The following CNIH4 variants were observed in gnomAD, a reference collection of about 807,000 sequenced individuals.
CNIH4 encodes protein cornichon homolog 4.
A neutral mutation model predicts 21.5 loss-of-function variants in CNIH4; 9 were observed. The observed-to-expected ratio is 0.42, with a 90% CI of 0.25 to 0.73. The LOEUF is 0.73. Ranked by LOEUF, CNIH4 falls within the 30% of genes least tolerant of loss-of-function variation. CNIH4 has a pLI of 0.27. For synonymous variants in CNIH4, 67 were observed against 59.1 expected (o/e 1.13, Z -0.61); for missense variants, 159 against 170.0 (o/e 0.94, Z 0.36).
intron 4 of CNIH4, among the ~76,000 whole-genome samples, chr1:224,375,485 TG>T (rs1672754260): frequency 6.6e-6 from 1 of 152,062 alleles, no homozygotes; most frequent in Non-Finnish European, 1.5e-5. Context: ...AGGTGTTTTT[TG>T]TTTTGTTTTG....
intron 2 of CNIH4, chr1:224,364,206 A>G (rs763911850): frequency 4.1e-6 from 4 of 981,402 alleles, no homozygotes; most frequent in East Asian, 1.2e-4. Flanking sequence ...CTGGTAACAT[A>G]GGGAGACTTC....
chr1:224,365,900 G>A lies in CNIH4; in HGVS notation c.160G>A (p.Gly54Ser), dbSNP rs74546314. ...GCAGTGGGTAATTCCAGAATTGATT[G>A]GCCATACCATTGTCACTGTATTACT... ...LNKWVIPELI[G>S]HTIVTVLLLM... Residue 54 changes from glycine (G) to serine (S), a missense_variant, in exon 3 of 5, where the codon GGC becomes AGC. By Grantham distance (56) the Gly-to-Ser change is moderately conservative. Transcript: ENST00000465271. 3.1e-3 allele frequency: 4,965 copies of A among 1,609,246 alleles called. 7 individuals carry two copies. The highest frequency in any genetic ancestry group is 3.6e-3 in the Non-Finnish European group (4,278 of 1,175,694).
At chr1:224,370,139 C>G (rs1403074212) in intron 3 of CNIH4, among the ~76,000 whole-genome samples, 1 of 151,260 alleles carries the variant, frequency 6.6e-6, no homozygotes, top group Middle Eastern at 3.2e-3. Flanking sequence ...AAAGACTGGA[C>G]AAGGGTTTGA....
rs1043567917 is a variant in CNIH4, at chr1:224,365,959, C to T, written c.219C>T (p.Leu73=). ...CATTGCACTGGTTCATCTTCCTTCT[C>T]AACTTACCTGTTGCCACTTGGAATA... The part of the protein sequence containing the change: ...LMSLHWFIFL[L]NLPVATWNIY... Residue 73 remains leucine, a synonymous_variant, in exon 3 of 5, where the codon CTC becomes CTT. Transcript: ENST00000465271. 4.3e-6 allele frequency: 7 copies of T among 1,609,572 alleles called. No homozygotes were observed. The highest frequency in any genetic ancestry group is 6.0e-6 in the Non-Finnish European group (7 of 1,175,782).
chr1:224,368,180 A>C (rs2102861037), intron 3 of CNIH4, among the ~76,000 whole-genome samples: 1 of 152,230 alleles, frequency 6.6e-6, no homozygotes, highest in East Asian at 1.9e-4. Flanking sequence ...AAAAATACAA[A>C]AATTAGCTGG....
chr1:224,366,242 A>G (rs1159775635), intron 3 of CNIH4, among the ~76,000 whole-genome samples: 9 of 152,014 alleles, frequency 5.9e-5, no homozygotes, highest in Admixed American at 5.2e-4. Flanking sequence ...GGGTTTCACC[A>G]TGTTGGCCCG....
chr1:224,373,381 G>A (rs896915452), intron 4 of CNIH4, among the ~76,000 whole-genome samples: 7 of 152,198 alleles, frequency 4.6e-5, no homozygotes, highest in African/African-American at 1.4e-4. Context: ...GTAAACTAGA[G>A]CAGGCATCTC....
Position 224,375,910 on chromosome 1 carries a change from A to G in CNIH4, c.*88A>G. On this transcript the variant is annotated 3_prime_UTR_variant, in exon 5 of 5. Coordinates refer to ENST00000465271, the MANE Select transcript of CNIH4 (RefSeq NM_014184.4). ...TTCTTAAATCATCCTTAGAACCGTG[A>G]CCATAGCAGTATATATTTTCCTCTT... The G allele has an allele frequency of 6.5e-7, 1 of 1,529,642 alleles. No homozygotes were observed. Among genetic ancestry groups the G allele is most frequent in the Non-Finnish European group, 8.8e-7 (1 of 1,134,690 alleles). 94.8% of individuals were successfully genotyped at this position (1,529,642 alleles called of 1,614,324 possible).
chr1:224,366,517 A>C (rs968737985), intron 3 of CNIH4, among the ~76,000 whole-genome samples: 6 of 149,876 alleles, frequency 4.0e-5, no homozygotes, highest in Non-Finnish European at 8.9e-5. Flanking sequence ...TGCCTGGCTA[A>C]TTTTTGTATT....
chr1:224,375,657 T>C, intron 4 of CNIH4, 138 bp from the exon 5 acceptor site: 1 of 899,744 alleles, frequency 1.1e-6, no homozygotes, highest in South Asian at 2.0e-5. Flanking sequence ...ATATATTCTT[T>C]CCTTTGGGTA....
intron 4 of CNIH4, among the ~76,000 whole-genome samples, chr1:224,375,481 T>G (rs1558401993): frequency 6.6e-6 from 1 of 152,078 alleles, no homozygotes; most frequent in African/African-American, 2.4e-5. Context: ...ACATAGGTGT[T>G]TTTTGTTTTG....
chr1:224,357,203 C>G, intron 1 of CNIH4: 1 of 514,960 alleles, frequency 1.9e-6, no homozygotes, highest in African/African-American at 2.0e-5. Flanking sequence ...CTGCCCTGCA[C>G]GCACTTGCCC....
Position 224,371,322 on chromosome 1 carries a change from T to G in CNIH4, c.291T>G (p.Asp97Glu). 1.2e-6 allele frequency: 2 copies of G among 1,614,106 alleles called. No homozygotes were observed. The highest frequency in any genetic ancestry group is 1.7e-6 in the Non-Finnish European group (2 of 1,180,000). ...CGAGTGGTAACATGGGAGTGTTTGA[T>G]CCAACAGAAATACACAATCGAGGGC... ...MVPSGNMGVF[D>E]PTEIHNRGQL... Residue 97 changes from aspartate (D) to glutamate (E), a missense_variant, in exon 4 of 5, where the codon GAT becomes GAG. By Grantham distance (45) the Asp-to-Glu change is conservative. Transcript: ENST00000465271.
intron 3 of CNIH4, 27 bp downstream of exon 3, chr1:224,366,018 T>C (rs1177101599): frequency 1.4e-6 from 2 of 1,397,768 alleles, no homozygotes; most frequent in African/African-American, 1.4e-5. Context: ...TACTTTGGTG[T>C]CAAGGTAGTT....
At chr1:224,361,906 G>A (rs1442707412) in intron 2 of CNIH4, among the ~76,000 whole-genome samples, 1 of 152,132 alleles carries the variant, frequency 6.6e-6, no homozygotes, top group Non-Finnish European at 1.5e-5. Flanking sequence ...CTTGAGATAA[G>A]GTAACTGCCA....
In CNIH4 at chr1:224,376,851, T is replaced by TATC; in HGVS notation, c.*1030_*1031insTCA. On this transcript the variant is annotated 3_prime_UTR_variant, in exon 5 of 5. Transcript: ENST00000465271. ...CTCCTTAGCTCTGTTTGCCAGCTCT[T>TATC]ACAGGGTAAAATAAACCTGGCAATT... The TATC allele has an allele frequency of 1.0e-6, 1 of 985,438 alleles. No homozygotes were observed. The highest frequency in any genetic ancestry group is 1.2e-6 in the Non-Finnish European group (1 of 829,922). The allele number at this position is 985,438 out of a possible 1,614,324, so 61.0% of individuals were successfully genotyped here.
At chr1:224,367,234 T>C (rs1222119586) in intron 3 of CNIH4, among the ~76,000 whole-genome samples, 3 of 152,168 alleles carry the variant, frequency 2.0e-5, no homozygotes, top group Non-Finnish European at 2.9e-5. Context: ...GGACCATTCA[T>C]TGGCTGTTTT....
chr1:224,363,132 A>C (rs1025123308), intron 2 of CNIH4, among the ~76,000 whole-genome samples: 2 of 151,546 alleles, frequency 1.3e-5, no homozygotes, highest in Non-Finnish European at 2.9e-5. Flanking sequence ...GACACCTCCA[A>C]CTCCTGGGTT....
intron 4 of CNIH4, among the ~76,000 whole-genome samples, chr1:224,373,125 C>T (rs1672679939): frequency 6.6e-6 from 1 of 152,122 alleles, no homozygotes; most frequent in African/African-American, 2.4e-5. Context: ...TTCTCATACC[C>T]TACCTCATTA....
Sources: gnomAD v4.1 joint callset for allele counts (sites outside exome capture counted in the v4.1 genomes callset) on GRCh38, gnomAD v4.1.1 for gene constraint, MANE v1.5 for transcripts, NCBI Gene and HGNC (gene_info 2026-07-23, HGNC 2026-07-21) for gene names.